The following GNAQ variants were observed in gnomAD, a reference collection of about 807,000 sequenced individuals.
The protein encoded by GNAQ is G protein subunit alpha q.
Under a neutral mutation model 43.9 loss-of-function variants are expected in GNAQ, and 8 were observed. The ratio of observed to expected loss-of-function variants is 0.18; its 90% CI spans 0.11 to 0.33. The LOEUF (loss-of-function observed/expected upper bound fraction) is 0.33. Among genes scored for constraint, GNAQ ranks in the 10% least tolerant of loss-of-function variants. GNAQ has a pLI of 1.00. For synonymous variants in GNAQ, 155 were observed against 170.7 expected, an observed-to-expected ratio of 0.91 and a Z score of 0.71; for missense variants, 158 against 450.8, an observed-to-expected ratio of 0.35 and a Z score of 5.88.
At chr9:77,904,870 G>A (rs1011469220) in intron 2 of GNAQ, among the ~76,000 whole-genome samples, 3 of 150,302 alleles carry the variant, frequency 2.0e-5, no homozygotes, top group African/African-American at 7.6e-5. Flanking sequence ...TCATTTTAAA[G>A]GAGACACACG....
chr9:77,800,376 T>G (rs1032730773), intron 3 of GNAQ, among the ~76,000 whole-genome samples: 1 of 152,018 alleles, frequency 6.6e-6, no homozygotes, highest in African/African-American at 2.4e-5. Context: ...ATATACACCA[T>G]GGAATACTAT....
chr9:77,880,502 T>C (rs548516000), intron 2 of GNAQ, among the ~76,000 whole-genome samples: 2 of 152,206 alleles, frequency 1.3e-5, no homozygotes, highest in South Asian at 4.1e-4. Context: ...CACCTCAGCC[T>C]TCTGAATGGC....
intron 1 of GNAQ, among the ~76,000 whole-genome samples, chr9:77,994,830 C>CT (rs1280024019): frequency 1.3e-5 from 2 of 152,144 alleles, no homozygotes; most frequent in African/African-American, 4.8e-5. Context: ...TTATTAGCAG[C>CT]TTTTTTGTTC....
At chr9:77,894,389 A>ATATAT (rs1564143605) in intron 2 of GNAQ, among the ~76,000 whole-genome samples, 1 of 8,682 alleles carries the variant, frequency 1.2e-4, no homozygotes, top group African/African-American at 3.4e-4. Flanking sequence ...TTAATAGAAA[A>ATATAT]AAAATATATA....
At chr9:78,018,844 AT>A (rs1156790381) in intron 1 of GNAQ, among the ~76,000 whole-genome samples, 1 of 152,224 alleles carries the variant, frequency 6.6e-6, no homozygotes, top group East Asian at 1.9e-4. Context: ...AATAGAAATC[AT>A]TGTGTCAACC....
chr9:78,019,182 G>A (rs763327383), intron 1 of GNAQ, among the ~76,000 whole-genome samples: 1 of 152,174 alleles, frequency 6.6e-6, no homozygotes, highest in African/African-American at 2.4e-5. Flanking sequence ...CTGTTTCTCT[G>A]AAAATGATAA....
At chr9:77,777,422 G>C (rs1326488540) in intron 5 of GNAQ, among the ~76,000 whole-genome samples, 5 of 152,014 alleles carry the variant, frequency 3.3e-5, no homozygotes, top group Non-Finnish European at 7.4e-5. Context: ...GTAAATCTTT[G>C]TCACCCTGGA....
At chr9:78,023,278 C>T (rs1321588169) in intron 1 of GNAQ, among the ~76,000 whole-genome samples, 1 of 152,186 alleles carries the variant, frequency 6.6e-6, no homozygotes, top group Admixed American at 6.5e-5. Context: ...AAATTCCTTC[C>T]TTTGAATGTA....
At chr9:77,869,197 C>CA (rs1433645081) in intron 2 of GNAQ, among the ~76,000 whole-genome samples, 1 of 151,994 alleles carries the variant, frequency 6.6e-6, no homozygotes, top group Non-Finnish European at 1.5e-5. Context: ...TAGGAAAAAA[C>CA]AAAAAATTGA....
At chr9:77,825,632 ATC>A (rs1261959283) in intron 2 of GNAQ, among the ~76,000 whole-genome samples, 2 of 152,362 alleles carry the variant, frequency 1.3e-5, no homozygotes, top group Admixed American at 1.3e-4. Flanking sequence ...GGGAAGGGAT[ATC>A]AGACTCAACC....
chr9:77,860,300 C>A (rs1827823736), intron 2 of GNAQ, among the ~76,000 whole-genome samples: 1 of 152,090 alleles, frequency 6.6e-6, no homozygotes, highest in Non-Finnish European at 1.5e-5. Flanking sequence ...GCCCATCTTT[C>A]TGACTAGTTT....
intron 1 of GNAQ, among the ~76,000 whole-genome samples, chr9:77,981,164 A>C (rs1039339882): frequency 1.3e-5 from 2 of 152,158 alleles, no homozygotes; most frequent in African/African-American, 4.8e-5. Flanking sequence ...TCATTATTTA[A>C]TTGGCCTTTC....
At chr9:77,763,279 G>A (rs1036844829) in intron 5 of GNAQ, among the ~76,000 whole-genome samples, 6 of 152,130 alleles carry the variant, frequency 3.9e-5, no homozygotes, top group Non-Finnish European at 8.8e-5. Flanking sequence ...AAAGGGAGCA[G>A]GATTTTAACA....
intron 1 of GNAQ, among the ~76,000 whole-genome samples, chr9:77,991,972 T>C (rs1823513537): frequency 6.6e-6 from 1 of 152,230 alleles, no homozygotes. Flanking sequence ...TGTTAGCTAA[T>C]GGGCATTAAG....
intron 2 of GNAQ, among the ~76,000 whole-genome samples, chr9:77,882,928 A>C (rs1828239144): frequency 6.6e-6 from 1 of 152,220 alleles, no homozygotes; most frequent in African/African-American, 2.4e-5. Context: ...CCATACCAAT[A>C]AGTCTATTGT....
intron 2 of GNAQ, among the ~76,000 whole-genome samples, chr9:77,912,827 A>G (rs904711322): frequency 2.6e-5 from 4 of 152,194 alleles, no homozygotes; most frequent in African/African-American, 9.7e-5. Flanking sequence ...ACAATGTGAT[A>G]CCACTATCCA....
intron 2 of GNAQ, among the ~76,000 whole-genome samples, chr9:77,878,079 CAG>C (rs1564138584): frequency 1.3e-5 from 2 of 152,132 alleles, no homozygotes; most frequent in Admixed American, 1.3e-4. Context: ...TGGCAACTGG[CAG>C]AGTTTTTAGT....
At chr9:77,918,055 G>A (rs1257337662) in intron 2 of GNAQ, among the ~76,000 whole-genome samples, 2 of 152,112 alleles carry the variant, frequency 1.3e-5, no homozygotes, top group East Asian at 1.9e-4. Context: ...CAGGACTCTC[G>A]GTTCAAGCAA....
chr9:77,994,535 T>C (rs1330685676), intron 1 of GNAQ, among the ~76,000 whole-genome samples: 2 of 152,234 alleles, frequency 1.3e-5, no homozygotes, highest in East Asian at 3.8e-4. Flanking sequence ...CATGGTGTAT[T>C]ACTGGTTTCC....
Sources: allele counts gnomAD v4.1 joint callset (sites outside exome capture counted in the v4.1 genomes callset), GRCh38; gene constraint gnomAD v4.1.1; transcripts MANE v1.5; gene names NCBI Gene and HGNC (gene_info 2026-07-23, HGNC 2026-07-21).